MYO5B: variants seen among roughly 807,000 people sequenced by gnomAD.
MYO5B encodes the protein unconventional myosin-Vb.
A neutral mutation model predicts 229.3 loss-of-function variants in MYO5B; 143 were observed. The ratio of observed to expected loss-of-function variants is 0.62; its 90% confidence interval spans 0.54 to 0.72. The LOEUF (loss-of-function observed/expected upper bound fraction) is 0.72. Ranked by LOEUF, MYO5B falls within the 30% of genes least tolerant of loss-of-function variation. The probability of loss-of-function intolerance (pLI) is 0.00; values close to 1 mark genes in which losing one functional copy is unlikely to be tolerated. For missense variants in MYO5B, 2,321 were observed against 2,331.0 expected, an observed-to-expected ratio of 1.00 and a Z score of 0.09; for synonymous variants, 918 against 885.2, an observed-to-expected ratio of 1.04 and a Z score of -0.66.
rs1193907631 is a variant in MYO5B, at chr18:50,048,087, A to G, written c.138+7181T>C. On this transcript the variant is annotated intron_variant, in intron 2 of 39. Coordinates refer to ENST00000285039, the MANE Select transcript of MYO5B (RefSeq NM_001080467.3). Reference sequence around the variant, plus strand: ...CATGTACCCAAAACCTTTAAGTATAATAATAATAATAATAATAAAGTGTAC... The same window carrying G: ...CATGTACCCAAAACCTTTAAGTATAGTAATAATAATAATAATAAAGTGTAC... 7.9e-3 allele frequency among the ~76,000 whole-genome samples: 4 copies of G among 504 alleles called. No homozygotes were observed. In the East Asian group the frequency reaches 0.38, roughly 47 times the overall value. The allele number at this position is 504 out of a possible 152,430, so 0.3% of individuals were successfully genotyped here.
At chr18:49,863,174 G>A (rs1382729039) in intron 29 of MYO5B, 53 bp downstream of exon 29, 9 of 1,393,098 alleles carry the variant, frequency 6.5e-6, no homozygotes, top group South Asian at 4.6e-5. Context: ...ACTCGTTTGG[G>A]CAGGGCCCTT....
intron 21 of MYO5B, 134 bp from the exon 22 acceptor site, chr18:49,895,308 T>A (rs1177217136): frequency 1.9e-5 from 14 of 741,840 alleles, no homozygotes; most frequent in Non-Finnish European, 3.1e-5. Context: ...AATCATTGCA[T>A]GCTCAAGTGC....
At chr18:50,102,729 G>T (rs559288990) in intron 1 of MYO5B, among the ~76,000 whole-genome samples, 11 of 139,902 alleles carry the variant, frequency 7.9e-5, no homozygotes, top group East Asian at 6.3e-4. Context: ...CAGAACCAAT[G>T]AATTAAAAAA....
intron 9 of MYO5B, among the ~76,000 whole-genome samples, chr18:49,979,037 G>A (rs2025785313): frequency 6.6e-6 from 1 of 152,142 alleles, no homozygotes; most frequent in African/African-American, 2.4e-5. Flanking sequence ...TCAGGGGAAA[G>A]ACACTGGGAC....
chr18:50,030,224 A>G (rs143379275), intron 4 of MYO5B, among the ~76,000 whole-genome samples: 42 of 152,278 alleles, frequency 2.8e-4, no homozygotes, highest in Non-Finnish European at 4.0e-4. Flanking sequence ...AAAGTTGTCA[A>G]TTCTATTTTT....
intron 8 of MYO5B, among the ~76,000 whole-genome samples, chr18:49,984,182 C>A (rs1159903171): frequency 1.3e-5 from 2 of 152,218 alleles, no homozygotes; most frequent in African/African-American, 4.8e-5. Flanking sequence ...TCCCCTTATG[C>A]CCCTGAAGGA....
At position 49,888,133 on chromosome 18, in the gene MYO5B, C is replaced by T. The variant is rs74974360; in HGVS notation, c.3045+6808G>A. On this transcript the variant is annotated intron_variant, in intron 22 of 39. Coordinates refer to ENST00000285039, the MANE Select transcript of MYO5B (RefSeq NM_001080467.3). ...CAGCTTCCTATAAAGCAAAGTTTTTCAGCCTTGACACTGTCAACATTCTGG... is the reference window on the plus strand; with the variant it reads ...CAGCTTCCTATAAAGCAAAGTTTTTTAGCCTTGACACTGTCAACATTCTGG... 4.8e-4 allele frequency among the ~76,000 whole-genome samples: 73 copies of T among 152,246 alleles called. No homozygotes were observed. In the East Asian group the frequency reaches 8.5e-3, roughly 18 times the overall value.
chr18:49,841,440 G>A lies in MYO5B; in HGVS notation c.4626C>T (p.Asp1542=), dbSNP rs201307711. 1.2e-6 allele frequency: 2 copies of A among 1,614,024 alleles called. No individual in the cohort carries two copies. Among genetic ancestry groups the A allele is most frequent in the Non-Finnish European group, 1.7e-6 (2 of 1,179,998 alleles). Residue 1542 remains aspartate (D), a synonymous_variant, in exon 35 of 40, where the codon GAC becomes GAT. Coordinates refer to ENST00000285039, the MANE Select transcript of MYO5B (RefSeq NM_001080467.3). ...ATAACCAGAATGACGTCATCTCAAA[G>A]TCATCATTGTGCTTCTGTGAAAAGA... The part of the protein sequence containing the change: ...IKKVLKKHND[D]FEMTSFWLSN...
chr18:50,001,487 G>A (rs2026046911), intron 4 of MYO5B, 76 bp from the exon 5 acceptor site: 4 of 1,549,614 alleles, frequency 2.6e-6, no homozygotes, highest in Admixed American at 1.7e-5. Context: ...TGTCTGACAA[G>A]GGCCTGAGCC....
At chr18:49,874,081 C>A (rs776629654) in intron 26 of MYO5B, among the ~76,000 whole-genome samples, 1 of 152,178 alleles carries the variant, frequency 6.6e-6, no homozygotes, top group South Asian at 2.1e-4. Flanking sequence ...GTAGAGGGAT[C>A]CCATACCCTC....
chr18:49,937,473 C>A, intron 14 of MYO5B, 76 bp from the exon 15 acceptor site: 1 of 1,524,924 alleles, frequency 6.6e-7, no homozygotes, highest in South Asian at 1.1e-5. Flanking sequence ...AGCTGCTTTT[C>A]AACATATACC....
chr18:50,043,345 T>A (rs1208208386), intron 2 of MYO5B, among the ~76,000 whole-genome samples: 177 of 114,206 alleles, frequency 1.5e-3, no homozygotes, highest in African/African-American at 5.6e-3. Flanking sequence ...ATATTTATAT[T>A]ATATATAATA....
intron 26 of MYO5B, 40 bp from the exon 27 acceptor site, chr18:49,872,272 G>C: frequency 6.3e-7 from 1 of 1,599,108 alleles, no homozygotes; most frequent in Non-Finnish European, 8.6e-7. Flanking sequence ...CAGACCTCGA[G>C]CAAGATATTC....
chr18:50,007,757 G>A (rs2026118503), intron 4 of MYO5B, among the ~76,000 whole-genome samples: 1 of 152,166 alleles, frequency 6.6e-6, no homozygotes. Flanking sequence ...CTGCCTTATG[G>A]CAGCTCATCG....
intron 27 of MYO5B, among the ~76,000 whole-genome samples, chr18:49,870,998 G>A (rs2024450178): frequency 6.6e-6 from 1 of 152,174 alleles, no homozygotes; most frequent in East Asian, 1.9e-4. Flanking sequence ...GTATATCCAT[G>A]TTCAGTACAG....
At chr18:49,872,269 C>T (rs368333401) in intron 26 of MYO5B, 37 bp from the exon 27 acceptor site, 16 of 1,603,568 alleles carry the variant, frequency 1.0e-5, no homozygotes, top group African/African-American at 4.0e-5. Context: ...GTGCAGACCT[C>T]GAGCAAGATA....
chr18:50,040,339 CA>C, intron 2 of MYO5B, 25 bp from the exon 3 acceptor site: 1 of 1,611,306 alleles, frequency 6.2e-7, no homozygotes, highest in Non-Finnish European at 8.5e-7. Flanking sequence ...GTAGCAGACA[CA>C]AAAAGGTGGT....
intron 1 of MYO5B, among the ~76,000 whole-genome samples, chr18:50,058,887 C>A (rs910845521): frequency 2.0e-5 from 3 of 152,152 alleles, no homozygotes; most frequent in African/African-American, 7.2e-5. Context: ...TGTCCTTGTA[C>A]TTACTATTTC....
intron 17 of MYO5B, among the ~76,000 whole-genome samples, chr18:49,912,771 G>A (rs1371094395): frequency 6.6e-6 from 1 of 152,142 alleles, no homozygotes; most frequent in Non-Finnish European, 1.5e-5. Context: ...AAATTACCCA[G>A]TCTCGATTAT....
Sources: gnomAD v4.1 joint callset for allele counts (sites outside exome capture counted in the v4.1 genomes callset) on GRCh38, gnomAD v4.1.1 for gene constraint, MANE v1.5 for transcripts, NCBI Gene and HGNC (gene_info 2026-07-23, HGNC 2026-07-21) for gene names.